Variants in LDLRAD3 observed in about 807,000 individuals in gnomAD.
LDLRAD3 encodes the protein low-density lipoprotein receptor class A domain-containing protein 3.
Under a neutral mutation model 29.4 loss-of-function variants are expected in LDLRAD3, and 20 were observed. That is an observed-to-expected ratio of 0.68 (90% CI 0.48 to 0.99). The LOEUF (loss-of-function observed/expected upper bound fraction) is 0.99. LDLRAD3 is among the 50% of genes least tolerant of loss of function. The probability of loss-of-function intolerance (pLI) is 0.00; values close to 1 mark genes in which losing one functional copy is unlikely to be tolerated. For synonymous variants in LDLRAD3, 157 were observed against 192.7 expected, an observed-to-expected ratio of 0.81 and a Z score of 1.53; for missense variants, 420 against 454.3, an observed-to-expected ratio of 0.92 and a Z score of 0.69.
Position 36,013,916 on chromosome 11 carries a change from C to A in LDLRAD3, c.47-22187C>A, listed in dbSNP as rs1275309496. Among the ~76,000 whole-genome samples the A allele has an allele frequency of 2.6e-5, 4 of 152,170 alleles. No individual in the cohort carries two copies. The East Asian group carries it at 7.7e-4, about 29-fold the overall frequency. ...GTGTTGTCCGCTAGGATCAGGAAGA[C>A]ATTGGTGGAGAGCTAAGGTAAGGCA... On this transcript the variant is annotated intron_variant, in intron 1 of 5. Transcript: ENST00000315571.
chr11:36,052,351 CTT>C (rs1309614190), intron 2 of LDLRAD3, among the ~76,000 whole-genome samples: 2 of 152,200 alleles, frequency 1.3e-5, no homozygotes, highest in African/African-American at 4.8e-5. Context: ...CGCAGATGCT[CTT>C]GTTGCAATGC....
In LDLRAD3 at chr11:36,051,983, A is replaced by G. The variant is rs549621882; in HGVS notation, c.193+15734A>G. Reference sequence around the variant, plus strand: ...AAGCTGCTGGAATAGAATTCTTAGAAACAGAGTGGAGCCCAGGAATCTGCA... The same window carrying G: ...AAGCTGCTGGAATAGAATTCTTAGAGACAGAGTGGAGCCCAGGAATCTGCA... On this transcript the variant is annotated intron_variant, in intron 2 of 5. Coordinates refer to ENST00000315571, the MANE Select transcript of LDLRAD3 (RefSeq NM_174902.4). 8.0e-5 allele frequency among the ~76,000 whole-genome samples: 12 copies of G among 149,680 alleles called. No homozygotes were observed. In the East Asian group the frequency reaches 2.3e-3, roughly 29 times the overall value.
At chr11:36,036,865 C>T (rs1370299313) in intron 2 of LDLRAD3, among the ~76,000 whole-genome samples, 1 of 152,162 alleles carries the variant, frequency 6.6e-6, no homozygotes, top group Non-Finnish European at 1.5e-5. Flanking sequence ...CTTCCCACCC[C>T]ACCTCCTTTT....
chr11:36,163,297 C>G (rs990638611), intron 4 of LDLRAD3: 2 of 152,234 alleles, frequency 1.3e-5, no homozygotes, highest in African/African-American at 4.8e-5. Flanking sequence ...CTATTCCCTT[C>G]CAGCAATTAA....
At chr11:36,058,899 T>C (rs1313227225) in intron 2 of LDLRAD3, among the ~76,000 whole-genome samples, 1 of 152,202 alleles carries the variant, frequency 6.6e-6, no homozygotes, top group Non-Finnish European at 1.5e-5. Context: ...TGAGGAACCC[T>C]GATTTAGAGG....
At chr11:36,044,056 T>A (rs969123468) in intron 2 of LDLRAD3, among the ~76,000 whole-genome samples, 1 of 152,190 alleles carries the variant, frequency 6.6e-6, no homozygotes, top group Admixed American at 6.5e-5. Flanking sequence ...ATTTCTTTAG[T>A]CTTAAATGCA....
At chr11:35,985,308 T>C (rs1851601387) in intron 1 of LDLRAD3, among the ~76,000 whole-genome samples, 1 of 152,226 alleles carries the variant, frequency 6.6e-6, no homozygotes, top group Admixed American at 6.5e-5. Context: ...ATGTCTCTCT[T>C]GGAGTTAGTA....
intron 4 of LDLRAD3, among the ~76,000 whole-genome samples, chr11:36,105,101 A>G (rs1364387654): frequency 6.6e-6 from 1 of 152,080 alleles, no homozygotes; most frequent in Non-Finnish European, 1.5e-5. Flanking sequence ...TGCTTGCTGT[A>G]TCCTGGTGAT....
At chr11:36,035,980 G>A in intron 1 of LDLRAD3, 123 bp from the exon 2 acceptor site, 1 of 874,154 alleles carries the variant, frequency 1.1e-6, no homozygotes, top group Non-Finnish European at 1.7e-6. Flanking sequence ...GGAAACTGAA[G>A]GTCAGAGAGG....
intron 1 of LDLRAD3, among the ~76,000 whole-genome samples, chr11:36,025,688 C>T (rs1852156889): frequency 6.6e-6 from 1 of 151,662 alleles, no homozygotes; most frequent in Non-Finnish European, 1.5e-5. Flanking sequence ...CGCGCCCGGC[C>T]CAGATTTTTT....
chr11:36,179,973 C>T (rs1565283300), intron 4 of LDLRAD3, among the ~76,000 whole-genome samples: 1 of 152,124 alleles, frequency 6.6e-6, no homozygotes, highest in Admixed American at 6.5e-5. Flanking sequence ...CTAGCCTAGA[C>T]AACAGAGCAA....
At chr11:36,151,301 CA>C (rs1181646413) in intron 4 of LDLRAD3, among the ~76,000 whole-genome samples, 1 of 152,002 alleles carries the variant, frequency 6.6e-6, no homozygotes, top group Non-Finnish European at 1.5e-5. Context: ...ACACAATACA[CA>C]GTATTGTGTA....
At chr11:36,083,163 G>A (rs1017337650) in intron 3 of LDLRAD3, among the ~76,000 whole-genome samples, 9 of 152,154 alleles carry the variant, frequency 5.9e-5, no homozygotes, top group African/African-American at 2.4e-5. Context: ...GATCAAACCT[G>A]TGTTAACACA....
chr11:35,955,109 G>C (rs1302326866), intron 1 of LDLRAD3, among the ~76,000 whole-genome samples: 1 of 152,096 alleles, frequency 6.6e-6, no homozygotes, highest in Non-Finnish European at 1.5e-5. Context: ...GCCGGGCATG[G>C]TGGCACATGC....
intron 4 of LDLRAD3, among the ~76,000 whole-genome samples, chr11:36,105,234 T>A (rs1356959688): frequency 1.4e-5 from 2 of 147,426 alleles, no homozygotes; most frequent in African/African-American, 2.6e-5. Flanking sequence ...TGTGTGTGTG[T>A]GTGTGAGAGA....
intron 1 of LDLRAD3, among the ~76,000 whole-genome samples, chr11:36,009,705 A>T (rs1851930944): frequency 6.6e-6 from 1 of 152,222 alleles, no homozygotes; most frequent in African/African-American, 2.4e-5. Context: ...CAGAAATTCA[A>T]TCCATGCAGA....
chr11:36,094,487 C>T (rs1346501380), intron 3 of LDLRAD3, among the ~76,000 whole-genome samples: 5 of 152,216 alleles, frequency 3.3e-5, no homozygotes, highest in African/African-American at 1.2e-4. Flanking sequence ...GGCATTGTAA[C>T]AGTATAACAC....
chr11:36,227,435 G>A lies in LDLRAD3; in HGVS notation c.800+5G>A. ...CGAGGCCTTGCTGGACCAGAGGTGTGTGCTGGATGGAAGAGATTGAGGCGG... is the reference window on the plus strand; with the variant it reads ...CGAGGCCTTGCTGGACCAGAGGTGTATGCTGGATGGAAGAGATTGAGGCGG... On this transcript the variant is annotated splice_donor_5th_base_variant and intron_variant, in intron 5 of 5. Transcript: ENST00000315571. The A allele has an allele frequency of 6.5e-7, 1 of 1,548,256 alleles. No homozygotes were observed. Among genetic ancestry groups the A allele is most frequent in the Non-Finnish European group, 8.7e-7 (1 of 1,148,016 alleles).
At chr11:36,132,795 G>A (rs1047560042) in intron 4 of LDLRAD3, among the ~76,000 whole-genome samples, 2 of 152,160 alleles carry the variant, frequency 1.3e-5, no homozygotes, top group African/African-American at 2.4e-5. Flanking sequence ...TTGTTTTAAC[G>A]CACTCATAAG....
Sources: gnomAD v4.1 joint callset for allele counts (sites outside exome capture counted in the v4.1 genomes callset) on GRCh38, gnomAD v4.1.1 for gene constraint, MANE v1.5 for transcripts, NCBI Gene and HGNC (gene_info 2026-07-23, HGNC 2026-07-21) for gene names.